The following PDK1 variants were observed in gnomAD, a reference collection of about 807,000 sequenced individuals.
PDK1 encodes pyruvate dehydrogenase kinase 1.
In PDK1, 39 loss-of-function variants were observed where a neutral mutation model predicts 54.2. The observed-to-expected ratio is 0.72, with a 90% CI of 0.56 to 0.94. PDK1 has a LOEUF of 0.94. Ranked by LOEUF, PDK1 falls within the 40% of genes least tolerant of loss-of-function variation. The pLI is 0.00. For synonymous variants in PDK1, 221 were observed against 207.1 expected (o/e 1.07, Z -0.58); for missense variants, 552 against 566.0 (o/e 0.98, Z 0.25).
chr2:172,703,323 C>G, the PDK1 span, among the ~76,000 whole-genome samples: 1 of 152,160 alleles, frequency 6.6e-6, no homozygotes, highest in African/African-American at 2.4e-5. Flanking sequence ...CTCTGGCCCC[C>G]AGGACTGTGA....
chr2:172,649,881 T>C, the PDK1 span, among the ~76,000 whole-genome samples: 1 of 152,094 alleles, frequency 6.6e-6, no homozygotes, highest in Non-Finnish European at 1.5e-5. Context: ...CTGAAAGTGA[T>C]GGGGAGAATG....
chr2:172,630,554 A>T, the PDK1 span, among the ~76,000 whole-genome samples: 19 of 152,284 alleles, frequency 1.2e-4, no homozygotes, highest in Admixed American at 3.9e-4. Flanking sequence ...TGTGAGTCTT[A>T]TCTACCATGT....
the PDK1 span, among the ~76,000 whole-genome samples, chr2:172,658,599 T>C: frequency 3.3e-5 from 5 of 152,288 alleles, no homozygotes; most frequent in East Asian, 9.6e-4. Flanking sequence ...AGAGAGCCTA[T>C]AAACGGACAT....
the PDK1 span, among the ~76,000 whole-genome samples, chr2:172,715,605 C>G: frequency 6.6e-6 from 1 of 152,172 alleles, no homozygotes; most frequent in Non-Finnish European, 1.5e-5. Flanking sequence ...CTGCCCGCCT[C>G]ATGGGAATGC....
At chr2:172,586,416 G>T in intron 9 of PDK1, 28 bp downstream of exon 9, 1 of 1,399,852 alleles carries the variant, frequency 7.1e-7, no homozygotes, top group Non-Finnish European at 1.0e-6. Flanking sequence ...AATGAAGTGT[G>T]TTTCTGTGAA....
intron 8 of PDK1, among the ~76,000 whole-genome samples, chr2:172,575,065 A>G (rs531298896): frequency 6.6e-6 from 1 of 152,130 alleles, no homozygotes; most frequent in Non-Finnish European, 1.5e-5. Flanking sequence ...GAGTGTTTTT[A>G]TCATGAAAGG....
the PDK1 span, among the ~76,000 whole-genome samples, chr2:172,622,499 T>TATTATGTGAGATATGTTTATATCTC: frequency 4.6e-5 from 5 of 108,500 alleles, no homozygotes; most frequent in Admixed American, 2.0e-4. Context: ...TTATATCTCA[T>TATTATGTGAGATATGTTTATATCTC]ATATTATGTG....
At chr2:172,653,492 A>G in the PDK1 span, among the ~76,000 whole-genome samples, 7 of 152,094 alleles carry the variant, frequency 4.6e-5, no homozygotes, top group African/African-American at 1.2e-4. Context: ...AATCCTGGCT[A>G]CTTGGGCAGC....
the PDK1 span, among the ~76,000 whole-genome samples, chr2:172,686,165 A>C: frequency 6.6e-6 from 1 of 152,254 alleles, no homozygotes; most frequent in Non-Finnish European, 1.5e-5. Flanking sequence ...AAAGTCTCTC[A>C]AAGGATATCA....
the PDK1 span, among the ~76,000 whole-genome samples, chr2:172,618,929 G>A: frequency 7.1e-4 from 108 of 152,218 alleles, 3 homozygotes; most frequent in South Asian, 9.1e-3. Flanking sequence ...GTGACTTTGG[G>A]TAAAGAAATT....
At chr2:172,632,879 C>CT in the PDK1 span, among the ~76,000 whole-genome samples, 1 of 144,716 alleles carries the variant, frequency 6.9e-6, no homozygotes, top group African/African-American at 2.5e-5. Flanking sequence ...ACTCGGGAGG[C>CT]TGAGGCAGGA....
chr2:172,672,052 G>A, the PDK1 span, among the ~76,000 whole-genome samples: 2 of 152,176 alleles, frequency 1.3e-5, no homozygotes, highest in Non-Finnish European at 2.9e-5. Flanking sequence ...GTAGAAGTGG[G>A]AATCTTGGTA....
At chr2:172,703,649 T>G in the PDK1 span, among the ~76,000 whole-genome samples, 1 of 152,150 alleles carries the variant, frequency 6.6e-6, no homozygotes, top group Non-Finnish European at 1.5e-5. Context: ...GGAAGTCATC[T>G]TAGATAGGAT....
At chr2:172,625,691 T>G in the PDK1 span, among the ~76,000 whole-genome samples, 1 of 152,176 alleles carries the variant, frequency 6.6e-6, no homozygotes, top group Non-Finnish European at 1.5e-5. Context: ...TACTTTCTAT[T>G]TGTTTTAATG....
the PDK1 span, among the ~76,000 whole-genome samples, chr2:172,720,280 A>G: frequency 6.6e-6 from 1 of 151,906 alleles, no homozygotes; most frequent in Non-Finnish European, 1.5e-5. Flanking sequence ...AAACTGGGCT[A>G]ATTTTTGTAT....
chr2:172,622,938 G>A, the PDK1 span, among the ~76,000 whole-genome samples: 1 of 145,988 alleles, frequency 6.8e-6, no homozygotes, highest in Non-Finnish European at 1.5e-5. Context: ...AGATATATAT[G>A]TTATAAATAT....
At chr2:172,694,102 G>C in the PDK1 span, among the ~76,000 whole-genome samples, 1 of 152,224 alleles carries the variant, frequency 6.6e-6, no homozygotes, top group African/African-American at 2.4e-5. Flanking sequence ...CCGGGAGACA[G>C]GGAGGGCAGA....
chr2:172,639,409 A>G, the PDK1 span, among the ~76,000 whole-genome samples: 1 of 152,160 alleles, frequency 6.6e-6, no homozygotes, highest in East Asian at 1.9e-4. Context: ...TGATTTTTCT[A>G]GGTTCCCATG....
At position 172,586,408 on chromosome 2, in the gene PDK1, T is replaced by C. The variant is rs540894394; in HGVS notation, c.1056+20T>C. Reference sequence around the variant, plus strand: ...CCTCTGGTATGTTATCAAGAAATAATGAAGTGTGTTTCTGTGAATTGCCTT... The same window carrying C: ...CCTCTGGTATGTTATCAAGAAATAACGAAGTGTGTTTCTGTGAATTGCCTT... On this transcript the variant is annotated intron_variant, in intron 9 of 10. Transcript: ENST00000282077. 1 of 1,451,886 alleles carries C rather than the reference T, an allele frequency of 6.9e-7. No homozygotes were observed. Among genetic ancestry groups the C allele is most frequent in the East Asian group, 2.3e-5 (1 of 43,992 alleles). The allele number at this position is 1,451,886 out of a possible 1,614,324, so 89.9% of individuals were successfully genotyped here.
Sources: gnomAD v4.1 joint callset for allele counts (sites outside exome capture counted in the v4.1 genomes callset) on GRCh38, gnomAD v4.1.1 for gene constraint, MANE v1.5 for transcripts, NCBI Gene and HGNC (gene_info 2026-07-23, HGNC 2026-07-21) for gene names.